Variants in PTPRD observed in about 807,000 individuals in gnomAD.
PTPRD encodes the protein protein tyrosine phosphatase receptor type D.
Under a neutral mutation model 214.5 loss-of-function variants are expected in PTPRD, and 34 were observed. That is an observed-to-expected ratio of 0.16 (90% CI 0.12 to 0.21). The LOEUF (loss-of-function observed/expected upper bound fraction) is 0.21. PTPRD is among the 10% of genes least tolerant of loss of function. The pLI is 1.00. For missense variants in PTPRD, 2,545 were observed against 2,398.7 expected (o/e 1.06, Z -1.27); for synonymous variants, 1,128 against 845.7 (o/e 1.33, Z -5.79).
At chr9:10,325,984 G>C (rs1279409659) in intron 3 of PTPRD, among the ~76,000 whole-genome samples, 1 of 151,632 alleles carries the variant, frequency 6.6e-6, no homozygotes, top group Non-Finnish European at 1.5e-5. Context: ...TTCACATTGA[G>C]AAATATATCT....
intron 9 of PTPRD, among the ~76,000 whole-genome samples, chr9:9,234,507 G>A (rs540795224): frequency 4.4e-4 from 67 of 152,148 alleles, no homozygotes; most frequent in Non-Finnish European, 6.3e-4. Context: ...TCTGCTGCAT[G>A]CTTGAATTTC....
chr9:9,830,927 G>C (rs1173752559), intron 5 of PTPRD, among the ~76,000 whole-genome samples: 2 of 151,732 alleles, frequency 1.3e-5, no homozygotes, highest in Admixed American at 6.6e-5. Context: ...TGTATTGTAG[G>C]TATCAGACCC....
intron 5 of PTPRD, among the ~76,000 whole-genome samples, chr9:9,902,072 C>G (rs962882336): frequency 6.6e-5 from 10 of 152,136 alleles, no homozygotes; most frequent in Admixed American, 1.3e-4. Context: ...TACCTATTGG[C>G]TGCTTCTACT....
Position 8,929,741 on chromosome 9 carries a change from A to G in PTPRD, c.-104+88956T>C, listed in dbSNP as rs113044669. Among the ~76,000 whole-genome samples the G allele has an allele frequency of 5.0e-4, 51 of 101,718 alleles. No homozygotes were observed. In the East Asian group the frequency reaches 5.9e-3, roughly 12 times the overall value. The allele number at this position is 101,718 out of a possible 152,430, so 66.7% of individuals were successfully genotyped here. ...TGTGTATATATATATGTGTATATAT[A>G]TGTGTATATATATATGTATATATAT... On this transcript the variant is annotated intron_variant, in intron 11 of 45. Transcript: ENST00000381196.
intron 14 of PTPRD, among the ~76,000 whole-genome samples, chr9:8,540,635 T>A (rs2078164339): frequency 6.6e-6 from 1 of 152,200 alleles, no homozygotes; most frequent in Non-Finnish European, 1.5e-5. Context: ...ATAATTAACT[T>A]AGAATAGCTT....
intron 42 of PTPRD, among the ~76,000 whole-genome samples, chr9:8,339,802 T>C (rs550567251): frequency 6.6e-6 from 1 of 151,608 alleles, no homozygotes; most frequent in African/African-American, 2.4e-5. Flanking sequence ...AGTAGAAACC[T>C]TAAGTATTTC....
chr9:10,360,385 T>A (rs1021398549), intron 2 of PTPRD, among the ~76,000 whole-genome samples: 4 of 152,246 alleles, frequency 2.6e-5, no homozygotes, highest in Admixed American at 2.6e-4. Flanking sequence ...TATCAGACAA[T>A]GTCATGCCAT....
chr9:10,366,254 C>A (rs892994952), intron 2 of PTPRD, among the ~76,000 whole-genome samples: 2 of 152,084 alleles, frequency 1.3e-5, no homozygotes, highest in African/African-American at 4.8e-5. Flanking sequence ...TCTGGAAACC[C>A]AACTGGAGAG....
chr9:8,710,648 T>C (rs2098312992), intron 12 of PTPRD, among the ~76,000 whole-genome samples: 1 of 151,996 alleles, frequency 6.6e-6, no homozygotes. Context: ...ACAATAATAA[T>C]AACAGTAATA....
At chr9:10,151,192 C>G (rs2099058523) in intron 3 of PTPRD, among the ~76,000 whole-genome samples, 3 of 138,878 alleles carry the variant, frequency 2.2e-5, no homozygotes, top group African/African-American at 8.1e-5. Context: ...TCCCGAGTAG[C>G]TGGGATTACA....
intron 10 of PTPRD, among the ~76,000 whole-genome samples, chr9:9,094,935 T>C (rs1002887279): frequency 5.9e-5 from 9 of 152,084 alleles, no homozygotes; most frequent in Admixed American, 4.6e-4. Context: ...AAAAACCTAA[T>C]AGCAAATCAA....
At position 9,062,068 on chromosome 9, in the gene PTPRD, C is replaced by G. The variant is rs541249118; in HGVS notation, c.-142-43333G>C. 2.6e-5 allele frequency among the ~76,000 whole-genome samples: 4 copies of G among 152,208 alleles called. No individual in the cohort carries two copies. The South Asian group carries it at 6.2e-4, about 24-fold the overall frequency. On this transcript the variant is annotated intron_variant, in intron 10 of 45. Coordinates refer to ENST00000381196, the MANE Select transcript of PTPRD (RefSeq NM_002839.4). ...CAATGCCCTTTCTCATAAAATTAAC[C>G]CCAATCCCTTATGCTCTCATCCCCT...
intron 39 of PTPRD, among the ~76,000 whole-genome samples, chr9:8,364,563 C>T (rs1194355632): frequency 6.6e-6 from 1 of 152,186 alleles, no homozygotes; most frequent in Non-Finnish European, 1.5e-5. Context: ...CCAACGGGAG[C>T]GGCAGATACA....
chr9:10,058,585 A>G (rs1291033908), intron 3 of PTPRD, among the ~76,000 whole-genome samples: 1 of 152,092 alleles, frequency 6.6e-6, no homozygotes, highest in Non-Finnish European at 1.5e-5. Flanking sequence ...CCTGCTATCA[A>G]CTGAGTCATG....
intron 9 of PTPRD, among the ~76,000 whole-genome samples, chr9:9,221,559 G>C (rs563862209): frequency 1.4e-4 from 22 of 152,100 alleles, no homozygotes; most frequent in African/African-American, 5.1e-4. Flanking sequence ...CTCGCAGACA[G>C]TATCCTCTCC....
chr9:8,729,849 C>A (rs1598195939), intron 12 of PTPRD, among the ~76,000 whole-genome samples: 1 of 152,188 alleles, frequency 6.6e-6, no homozygotes, highest in East Asian at 1.9e-4. Flanking sequence ...TCTTACAACA[C>A]AGATGTCAGT....
intron 27 of PTPRD, among the ~76,000 whole-genome samples, chr9:8,489,940 A>G (rs1391028657): frequency 1.3e-5 from 2 of 152,184 alleles, no homozygotes; most frequent in Non-Finnish European, 2.9e-5. Flanking sequence ...AGCAGGGTCC[A>G]TGTTCTCTAA....
intron 11 of PTPRD, among the ~76,000 whole-genome samples, chr9:8,851,781 G>A (rs2097820690): frequency 6.6e-6 from 1 of 152,012 alleles, no homozygotes; most frequent in Non-Finnish European, 1.5e-5. Flanking sequence ...CTAAGATTCT[G>A]AAATGTTTTA....
At chr9:10,363,533 T>C (rs1466356778) in intron 2 of PTPRD, among the ~76,000 whole-genome samples, 1 of 152,226 alleles carries the variant, frequency 6.6e-6, no homozygotes. Flanking sequence ...CATGGTGCAA[T>C]GATTTGTCTG....
Sources: allele counts gnomAD v4.1 joint callset (sites outside exome capture counted in the v4.1 genomes callset), GRCh38; gene constraint gnomAD v4.1.1; transcripts MANE v1.5; gene names NCBI Gene and HGNC (gene_info 2026-07-23, HGNC 2026-07-21).